RREB1: variants seen among roughly 807,000 people sequenced by gnomAD.
RREB1 encodes the protein ras-responsive element-binding protein 1.
A neutral mutation model predicts 117.8 loss-of-function variants in RREB1; 27 were observed. The observed-to-expected ratio is 0.23, with a 90% CI of 0.17 to 0.32. The LOEUF (loss-of-function observed/expected upper bound fraction) is 0.32, where lower values mean the gene tolerates loss of function less well. Ranked by LOEUF, RREB1 falls within the 10% of genes least tolerant of loss-of-function variation. The pLI is 1.00. For synonymous variants in RREB1, 1,298 were observed against 1,026.7 expected (o/e 1.26, Z -5.05); for missense variants, 2,577 against 2,378.2 (o/e 1.08, Z -1.74).
chr6:7,122,505 ATCC>A (rs1761722627), intron 1 of RREB1, among the ~76,000 whole-genome samples: 4 of 152,262 alleles, frequency 2.6e-5, no homozygotes, highest in Admixed American at 1.3e-4. Flanking sequence ...GATTCAAGTG[ATCC>A]TCCTGCTTTG....
At position 7,125,045 on chromosome 6, in the gene RREB1, G is replaced by C. The variant is rs116279497; in HGVS notation, c.-285+16985G>C. Among the ~76,000 whole-genome samples, 1,053 of 152,334 alleles carry C rather than the reference G, an allele frequency of 6.9e-3. 8 individuals are homozygous for C. Among genetic ancestry groups the C allele is most frequent in the African/African-American group, 0.023 (968 of 41,568 alleles). ...ACTGTTCTGGCTTGTGGAAACAGCA[G>C]ATTACAGCTTACCAGTGGAACAGCT... On this transcript the variant is annotated intron_variant, in intron 1 of 12. Coordinates refer to ENST00000379938, the MANE Select transcript of RREB1 (RefSeq NM_001003699.4).
intron 1 of RREB1, among the ~76,000 whole-genome samples, chr6:7,134,630 T>G (rs1212985109): frequency 6.6e-6 from 1 of 152,256 alleles, no homozygotes; most frequent in Non-Finnish European, 1.5e-5. Context: ...TTATCTTTAT[T>G]AAATACAGCA....
chr6:7,227,639 T>C (rs1441273208), intron 9 of RREB1, among the ~76,000 whole-genome samples: 1 of 152,160 alleles, frequency 6.6e-6, no homozygotes, highest in East Asian at 1.9e-4. Context: ...TAAAAAAAAA[T>C]CTTTCTTTAC....
chr6:7,110,551 C>T (rs1385432764), intron 1 of RREB1, among the ~76,000 whole-genome samples: 1 of 151,782 alleles, frequency 6.6e-6, no homozygotes, highest in East Asian at 1.9e-4. Flanking sequence ...GCTGATGGGT[C>T]CTGCTTTGAT....
intron 1 of RREB1, among the ~76,000 whole-genome samples, chr6:7,141,465 C>T (rs1035023410): frequency 3.3e-5 from 5 of 152,170 alleles, no homozygotes; most frequent in African/African-American, 4.8e-5. Context: ...TGGAGCGAAC[C>T]CGTGCCCGCC....
intron 1 of RREB1, among the ~76,000 whole-genome samples, chr6:7,137,404 G>A (rs1197649863): frequency 6.6e-6 from 1 of 152,244 alleles, no homozygotes; most frequent in Non-Finnish European, 1.5e-5. Flanking sequence ...CCAAGCCCTG[G>A]TACAGAAATT....
intron 10 of RREB1, among the ~76,000 whole-genome samples, chr6:7,240,141 T>C (rs899773988): frequency 4.6e-5 from 7 of 152,242 alleles, no homozygotes; most frequent in African/African-American, 1.7e-4. Flanking sequence ...TTTTTTTTGT[T>C]GTCGTTAATA....
intron 11 of RREB1, among the ~76,000 whole-genome samples, chr6:7,242,700 A>AGC (rs1554128707): frequency 7.4e-6 from 1 of 134,770 alleles, no homozygotes; most frequent in African/African-American, 2.9e-5. Flanking sequence ...CTTAAAAAAA[A>AGC]GGGGGGGGGG....
intron 6 of RREB1, among the ~76,000 whole-genome samples, chr6:7,196,423 T>C (rs1765682689): frequency 6.6e-6 from 1 of 152,008 alleles, no homozygotes; most frequent in Admixed American, 6.5e-5. Flanking sequence ...CTCAGTCTTT[T>C]TGTAGAGTTT....
intron 1 of RREB1, among the ~76,000 whole-genome samples, chr6:7,134,360 T>G (rs995741620): frequency 3.3e-5 from 5 of 152,256 alleles, no homozygotes; most frequent in Non-Finnish European, 5.9e-5. Context: ...GTGTTTGTTC[T>G]CTTACATAGG....
At chr6:7,116,025 C>T (rs966087636) in intron 1 of RREB1, among the ~76,000 whole-genome samples, 1 of 152,202 alleles carries the variant, frequency 6.6e-6, no homozygotes, top group African/African-American at 2.4e-5. Context: ...AAACGCCTCC[C>T]AAGTTAATTT....
chr6:7,182,993 T>C (rs1446760431), intron 4 of RREB1: 1 of 152,240 alleles, frequency 6.6e-6, no homozygotes, highest in Non-Finnish European at 1.5e-5. Flanking sequence ...TACAGAATTC[T>C]CTGAGTATTA....
intron 8 of RREB1, among the ~76,000 whole-genome samples, chr6:7,219,716 C>T (rs537643798): frequency 1.1e-4 from 17 of 152,270 alleles, no homozygotes; most frequent in Middle Eastern, 3.4e-3. Flanking sequence ...CAACCACAGG[C>T]ACTTCTCTAA....
chr6:7,226,377 CTT>C, intron 8 of RREB1, 88 bp from the exon 9 acceptor site: 1 of 918,316 alleles, frequency 1.1e-6, no homozygotes, highest in Non-Finnish European at 1.6e-6. Context: ...TCAACAAAAA[CTT>C]AAGTCTGGAA....
intron 1 of RREB1, among the ~76,000 whole-genome samples, chr6:7,119,594 A>G (rs1761576278): frequency 6.6e-6 from 1 of 152,210 alleles, no homozygotes. Flanking sequence ...GTGTGCGTCC[A>G]GGAAAATGAG....
intron 8 of RREB1, chr6:7,218,439 C>T (rs974994888): frequency 1.3e-5 from 2 of 151,136 alleles, no homozygotes; most frequent in Non-Finnish European, 2.9e-5. Flanking sequence ...TGTTAGTGAG[C>T]ACTGGGGGAG....
Position 7,230,019 on chromosome 6 carries a change from G to A in RREB1, c.1920G>A (p.Lys640=), listed in dbSNP as rs144988065. The A allele has an allele frequency of 6.2e-7, 1 of 1,610,560 alleles. No individual in the cohort carries two copies. The highest frequency in any genetic ancestry group is 2.2e-5 in the East Asian group (1 of 44,744). The change falls in exon 10 of 13, where the codon AAG becomes AAA. Residue 640 remains lysine (K), a synonymous_variant. Transcript: ENST00000379938. ...GCAAGAAGACGCCCGCCATGCGCAA[G>A]GTGCTCTACCCCTGCCGCTTCTGCA... ...PGGKKTPAMR[K]VLYPCRFCNQ... is the part of the protein sequence containing the mutation.
intron 1 of RREB1, among the ~76,000 whole-genome samples, chr6:7,153,112 T>G (rs1763194602): frequency 6.6e-6 from 1 of 151,454 alleles, no homozygotes; most frequent in African/African-American, 2.4e-5. Context: ...AGGGTTTTTT[T>G]TTTTTTTTTT....
At chr6:7,161,849 T>C (rs1763680729) in intron 1 of RREB1, among the ~76,000 whole-genome samples, 1 of 152,202 alleles carries the variant, frequency 6.6e-6, no homozygotes, top group Non-Finnish European at 1.5e-5. Context: ...CTTAAGAGTA[T>C]GGCAGTGCCT....
Sources: gnomAD v4.1 joint callset for allele counts (sites outside exome capture counted in the v4.1 genomes callset) on GRCh38, gnomAD v4.1.1 for gene constraint, MANE v1.5 for transcripts, NCBI Gene and HGNC (gene_info 2026-07-23, HGNC 2026-07-21) for gene names.